The following OPRM1 variants were observed in gnomAD, a reference collection of about 807,000 sequenced individuals.
OPRM1 encodes the protein mu-type opioid receptor.
Under a neutral mutation model 31.8 loss-of-function variants are expected in OPRM1, and 27 were observed. The observed-to-expected ratio is 0.85, with a 90% CI of 0.63 to 1.17. OPRM1 has a LOEUF of 1.17. OPRM1 is among the 50% of genes most tolerant of loss of function. The pLI is 0.00. For missense variants in OPRM1, 536 were observed against 511.1 expected, an observed-to-expected ratio of 1.05 and a Z score of -0.47; for synonymous variants, 196 against 189.9, an observed-to-expected ratio of 1.03 and a Z score of -0.26.
Position 154,118,908 on chromosome 6 carries a change from G to A in OPRM1, c.*187G>A. On this transcript the variant is annotated 3_prime_UTR_variant, in exon 4 of 4. Coordinates refer to ENST00000330432, the MANE Select transcript of OPRM1 (RefSeq NM_000914.5). The stretch of plus-strand genomic sequence containing the variant: ...AGAGGGACAGCCAAAAGTAAGTGGA[G>A]CATTTGGAAGGAAAGGAATATACCA... The A allele has an allele frequency of 7.1e-7, 1 of 1,403,622 alleles. No homozygotes were observed. Among genetic ancestry groups the A allele is most frequent in the Non-Finnish European group, 9.2e-7 (1 of 1,082,878 alleles). The allele number at this position is 1,403,622 out of a possible 1,614,324, so 86.9% of individuals were successfully genotyped here.
chr6:154,030,078 T>C (rs1170962705), intron 1 of OPRM1, among the ~76,000 whole-genome samples: 2 of 144,146 alleles, frequency 1.4e-5, no homozygotes, highest in African/African-American at 5.9e-5. Context: ...CAGATATGTT[T>C]TATTAGCAGC....
rs1035619664 is a variant in OPRM1 at position 154,119,806 on chromosome 6, A to G, written c.*1085A>G. Among the ~76,000 whole-genome samples, 4 of 152,202 alleles carry G rather than the reference A, an allele frequency of 2.6e-5. No individual in the cohort carries two copies. Among genetic ancestry groups the G allele is most frequent in the African/African-American group, 9.6e-5 (4 of 41,454 alleles). On this transcript the variant is annotated 3_prime_UTR_variant, in exon 4 of 4. Transcript: ENST00000330432. ...ATCTATTTTTCAATCCTGTGTAGTT[A>G]CTTGGATGTGAAATATTAACAATGG...
At chr6:154,118,410 G>A (rs1797096693) in intron 3 of OPRM1, among the ~76,000 whole-genome samples, 1 of 152,098 alleles carries the variant, frequency 6.6e-6, no homozygotes, top group Admixed American at 6.5e-5. Context: ...ATTTTTTCAA[G>A]GAAATTATCA....
At chr6:154,109,338 A>G (rs1796059484) in intron 3 of OPRM1, among the ~76,000 whole-genome samples, 1 of 152,084 alleles carries the variant, frequency 6.6e-6, no homozygotes, top group Non-Finnish European at 1.5e-5. Flanking sequence ...ACAACCAAAC[A>G]AAAAAAATAA....
intron 1 of OPRM1, among the ~76,000 whole-genome samples, chr6:154,031,604 A>G (rs115628875): frequency 0.029 from 4,352 of 152,106 alleles, 197 homozygotes; most frequent in African/African-American, 0.1. Flanking sequence ...AGCTGGGCAT[A>G]GTCGTGCACG....
chr6:154,137,077 A>G (rs1798079326), downstream of OPRM1, among the ~76,000 whole-genome samples: 1 of 152,190 alleles, frequency 6.6e-6, no homozygotes, highest in Non-Finnish European at 1.5e-5. Flanking sequence ...ATCTCGTTTC[A>G]CAGATTAGGA....
intron 3 of OPRM1, among the ~76,000 whole-genome samples, chr6:154,106,635 T>G (rs1795615244): frequency 6.6e-6 from 1 of 152,300 alleles, no homozygotes; most frequent in Admixed American, 6.5e-5. Flanking sequence ...GCCCTAAACC[T>G]CCCTTCTTTT....
At chr6:154,016,934 T>C (rs1260227897) in intron 1 of OPRM1, among the ~76,000 whole-genome samples, 1 of 152,240 alleles carries the variant, frequency 6.6e-6, no homozygotes, top group East Asian at 1.9e-4. Context: ...TGGTTACTGA[T>C]TGTATCCAGA....
At chr6:154,227,858 AC>A (rs1013491539) in intron 3 of OPRM1, among the ~76,000 whole-genome samples, 1 of 152,158 alleles carries the variant, frequency 6.6e-6, no homozygotes, top group African/African-American at 2.4e-5. Context: ...GGGTGAAAAC[AC>A]CTTAGTGTTT....
chr6:154,049,992 G>A (rs1781879958), intron 1 of OPRM1, among the ~76,000 whole-genome samples: 1 of 151,974 alleles, frequency 6.6e-6, no homozygotes, highest in Non-Finnish European at 1.5e-5. Flanking sequence ...CTTTGGTTTT[G>A]GCATCAGGGT....
At chr6:154,199,610 T>C in intron 3 of OPRM1, 1 of 1,461,452 alleles carries the variant, frequency 6.8e-7, no homozygotes, top group Admixed American at 2.2e-5. Context: ...AATATTACAG[T>C]TCCATATACA....
intron 3 of OPRM1, among the ~76,000 whole-genome samples, chr6:154,152,360 G>GAAAGAAAGAAAGAAAGAAAGAAAGAA (rs1798552108): frequency 6.9e-6 from 1 of 145,632 alleles, no homozygotes; most frequent in Admixed American, 6.7e-5. Flanking sequence ...AAGAAAGAAA[G>GAAAGAAAGAAAGAAAGAAAGAAAGAA]AAAGAAAGAA....
At chr6:154,056,478 T>C (rs531936358) in intron 1 of OPRM1, among the ~76,000 whole-genome samples, 1 of 152,052 alleles carries the variant, frequency 6.6e-6, no homozygotes, top group African/African-American at 2.4e-5. Context: ...TGGCTATTTC[T>C]AACACCTTCA....
chr6:154,090,819 T>C, intron 2 of OPRM1, 133 bp from the exon 3 acceptor site: 2 of 753,836 alleles, frequency 2.7e-6, no homozygotes, highest in Non-Finnish European at 4.3e-6. Flanking sequence ...ACTGAGTTTC[T>C]TCCACAATTT....
intron 3 of OPRM1, among the ~76,000 whole-genome samples, chr6:154,202,886 A>G (rs1777186074): frequency 6.6e-6 from 1 of 152,218 alleles, no homozygotes; most frequent in Non-Finnish European, 1.5e-5. Context: ...AAGAAACACG[A>G]AGACTTGGAG....
At position 154,168,163 on chromosome 6, in the gene OPRM1, C is replaced by G; in HGVS notation, c.1164+76691C>G. 1 of 1,405,850 alleles carries G rather than the reference C, an allele frequency of 7.1e-7. No individual in the cohort carries two copies. The allele number at this position is 1,405,850 out of a possible 1,614,324, so 87.1% of individuals were successfully genotyped here. A position where few individuals can be genotyped will look rare whatever the true frequency, so the allele number is the denominator to read the frequency against. The stretch of plus-strand genomic sequence containing the variant: ...AGTAACAATAAACCCAGTGAAAAAT[C>G]AAGGAGAGAACATTCAATACTGTGG... On this transcript the variant is annotated intron_variant, in intron 3 of 3. Coordinates refer to the OPRM1 transcript ENST00000337049. The surrounding 1 kb of genome is among the most constrained non-coding windows in gnomAD (Gnocchi z 4.1).
Position 154,100,081 on chromosome 6 carries a change from T to TGATATATATCATGATATATATCATAA in OPRM1, c.1164+8609_1164+8610insGATATATATCATGATATATATCATAA, listed in dbSNP as rs1562472003. On this transcript the variant is annotated intron_variant, in intron 3 of 3. Coordinates refer to ENST00000330432, the MANE Select transcript of OPRM1 (RefSeq NM_000914.5). ...GATATATATCATGATATATATCATA[T>TGATATATATCATGATATATATCATAA]TATATATTATCATATTATGATATAT... Among the ~76,000 whole-genome samples the TGATATATATCATGATATATATCATAA allele has an allele frequency of 1.9e-5, 2 of 108,064 alleles. 1 individual carries two copies. The highest frequency in any genetic ancestry group is 3.5e-5 in the Non-Finnish European group (2 of 56,856). 70.9% of individuals were successfully genotyped at this position (108,064 alleles called of 152,430 possible). A position where few individuals can be genotyped will look rare whatever the true frequency, so the allele number is the denominator to read the frequency against.
intron 3 of OPRM1, among the ~76,000 whole-genome samples, chr6:154,102,123 A>G (rs1794921203): frequency 6.6e-6 from 1 of 152,066 alleles, no homozygotes; most frequent in South Asian, 2.1e-4. Flanking sequence ...TACTTTTTGT[A>G]GAGACAGGGT....
chr6:154,079,521 G>T (rs1788621544), intron 1 of OPRM1, among the ~76,000 whole-genome samples: 1 of 152,120 alleles, frequency 6.6e-6, no homozygotes, highest in African/African-American at 2.4e-5. Flanking sequence ...AAATATGTGG[G>T]ATGAGGCTCA....
Sources: gnomAD v4.1 joint callset for allele counts (sites outside exome capture counted in the v4.1 genomes callset) on GRCh38, gnomAD v4.1.1 for gene constraint, Gnocchi (gnomAD v3.1) non-coding constraint, MANE v1.5 for transcripts, NCBI Gene and HGNC (gene_info 2026-07-23, HGNC 2026-07-21) for gene names.